Variants in PTPRG observed in about 807,000 individuals in gnomAD.
The protein encoded by PTPRG is receptor-type tyrosine-protein phosphatase gamma.
A neutral mutation model predicts 165.3 loss-of-function variants in PTPRG; 102 were observed. That is an observed-to-expected ratio of 0.62 (90% CI 0.53 to 0.73). The LOEUF is 0.73. Among genes scored for constraint, PTPRG ranks in the 30% least tolerant of loss-of-function variants. The probability of loss-of-function intolerance (pLI) is 0.00; values close to 1 mark genes in which losing one functional copy is unlikely to be tolerated. For synonymous variants in PTPRG, 675 were observed against 669.5 expected (o/e 1.01, Z -0.13); for missense variants, 1,866 against 1,861.4 (o/e 1.00, Z -0.05).
chr3:61,875,645 G>T (rs943798024), intron 2 of PTPRG, among the ~76,000 whole-genome samples: 2 of 151,812 alleles, frequency 1.3e-5, no homozygotes, highest in African/African-American at 2.4e-5. Flanking sequence ...ATGCACATGC[G>T]CACACACACA....
At chr3:61,999,208 G>T (rs891330019) in intron 3 of PTPRG, among the ~76,000 whole-genome samples, 1 of 152,054 alleles carries the variant, frequency 6.6e-6, no homozygotes, top group African/African-American at 2.4e-5. Context: ...ACCACACCCG[G>T]CTAGCCTTTT....
Position 61,696,023 on chromosome 3 carries a change from G to A in PTPRG, c.86-52855G>A, listed in dbSNP as rs115075739. On this transcript the variant is annotated intron_variant, in intron 1 of 29. Transcript: ENST00000474889. The stretch of plus-strand genomic sequence containing the variant: ...CAACATTCTGTGGCACAGTCAACAT[G>A]AGGTTGAGCTGATTGGGATGTAACT... Among the ~76,000 whole-genome samples, 435 of 152,268 alleles carry A rather than the reference G, an allele frequency of 2.9e-3. 4 individuals are homozygous for A. Among genetic ancestry groups the A allele is most frequent in the African/African-American group, 9.4e-3 (392 of 41,552 alleles).
intron 1 of PTPRG, among the ~76,000 whole-genome samples, chr3:61,607,425 G>C (rs1036291113): frequency 6.6e-6 from 1 of 152,022 alleles, no homozygotes; most frequent in African/African-American, 2.4e-5. Context: ...AATGCCTGGG[G>C]CCAAAACACT....
intron 6 of PTPRG, among the ~76,000 whole-genome samples, chr3:62,136,469 G>A (rs1703713387): frequency 6.6e-6 from 1 of 152,164 alleles, no homozygotes; most frequent in African/African-American, 2.4e-5. Flanking sequence ...GGAGAATGGT[G>A]AGAATGTGGA....
chr3:62,226,158 C>T (rs1374649881), intron 13 of PTPRG, among the ~76,000 whole-genome samples: 1 of 152,230 alleles, frequency 6.6e-6, no homozygotes, highest in Non-Finnish European at 1.5e-5. Flanking sequence ...TGAACCCAGA[C>T]AATTTGACTT....
chr3:61,684,888 A>G (rs775405962), intron 1 of PTPRG, among the ~76,000 whole-genome samples: 1 of 152,118 alleles, frequency 6.6e-6, no homozygotes, highest in African/African-American at 2.4e-5. Flanking sequence ...GATGATCGTG[A>G]TATCTGTCAC....
At chr3:62,287,008 TATAA>T (rs1268188928) in intron 28 of PTPRG, among the ~76,000 whole-genome samples, 8 of 152,176 alleles carry the variant, frequency 5.3e-5, no homozygotes, top group Admixed American at 1.3e-4. Flanking sequence ...AGCCATATTG[TATAA>T]ATACTTTTAA....
chr3:62,078,666 C>T (rs911114474), intron 5 of PTPRG, among the ~76,000 whole-genome samples: 1 of 151,960 alleles, frequency 6.6e-6, no homozygotes, highest in African/African-American at 2.4e-5. Context: ...TCTAAAGAGA[C>T]CCCCTCTCTT....
intron 5 of PTPRG, 60 bp downstream of exon 5, chr3:62,078,318 C>G: frequency 6.7e-6 from 8 of 1,185,332 alleles, no homozygotes; most frequent in Middle Eastern, 2.1e-4. Context: ...TTTAATTTGC[C>G]GAATTGTTCC....
At chr3:62,089,645 T>TG (rs1319325476) in intron 5 of PTPRG, among the ~76,000 whole-genome samples, 1 of 152,178 alleles carries the variant, frequency 6.6e-6, no homozygotes, top group Non-Finnish European at 1.5e-5. Flanking sequence ...AATCCCCGTT[T>TG]GGGGTCTGTT....
At chr3:61,879,117 A>G (rs1392801908) in intron 2 of PTPRG, among the ~76,000 whole-genome samples, 1 of 152,218 alleles carries the variant, frequency 6.6e-6, no homozygotes, top group Non-Finnish European at 1.5e-5. Context: ...TAAGTAATGA[A>G]CCAAAGGTGT....
intron 2 of PTPRG, among the ~76,000 whole-genome samples, chr3:61,976,894 T>A (rs1465460320): frequency 6.6e-6 from 1 of 152,114 alleles, no homozygotes; most frequent in Non-Finnish European, 1.5e-5. Flanking sequence ...AGCCTGTCCT[T>A]CAACTGCTGA....
At chr3:62,182,947 G>A (rs921810043) in intron 8 of PTPRG, among the ~76,000 whole-genome samples, 6 of 152,182 alleles carry the variant, frequency 3.9e-5, no homozygotes, top group African/African-American at 7.2e-5. Context: ...GAGCCACTAC[G>A]CCCGGCTAAC....
In PTPRG at chr3:61,897,469, C is replaced by G. The variant is rs528451935; in HGVS notation, c.191-92156C>G. Among the ~76,000 whole-genome samples, 6 of 152,288 alleles carry G rather than the reference C, an allele frequency of 3.9e-5. No individual in the cohort carries two copies. The South Asian group carries it at 1.2e-3, about 32-fold the overall frequency. On this transcript the variant is annotated intron_variant, in intron 2 of 29. Coordinates refer to ENST00000474889, the MANE Select transcript of PTPRG (RefSeq NM_002841.4). Reference sequence around the variant, plus strand: ...GATGTCCCTATCTCTCCACCAATATCACACTGTCGTGATTACTATAGCTGT... The same window carrying G: ...GATGTCCCTATCTCTCCACCAATATGACACTGTCGTGATTACTATAGCTGT...
chr3:62,186,567 C>CTTTTTTTTTTTTTTTTTTTTT (rs35133425), intron 8 of PTPRG, among the ~76,000 whole-genome samples: 6 of 117,516 alleles, frequency 5.1e-5, no homozygotes, highest in African/African-American at 7.0e-5. Flanking sequence ...TTTTCTTTTC[C>CTTTTTTTTTTTTTTTTTTTTT]TTTTTTTTTT....
At chr3:61,582,513 G>A (rs1382641010) in intron 1 of PTPRG, among the ~76,000 whole-genome samples, 3 of 152,162 alleles carry the variant, frequency 2.0e-5, no homozygotes, top group Non-Finnish European at 4.4e-5. Context: ...AGTGCAGCCA[G>A]GACGTAGCCT....
intron 5 of PTPRG, among the ~76,000 whole-genome samples, chr3:62,101,260 A>G (rs916341604): frequency 2.6e-5 from 4 of 152,234 alleles, no homozygotes; most frequent in African/African-American, 9.6e-5. Context: ...ATTCTATTGC[A>G]TCACGAGATG....
chr3:62,053,186 T>C (rs1280657568), intron 4 of PTPRG, among the ~76,000 whole-genome samples: 4 of 152,150 alleles, frequency 2.6e-5, no homozygotes, highest in African/African-American at 9.7e-5. Flanking sequence ...ACTGTATTTA[T>C]ATTTATAAAT....
chr3:61,906,017 A>G (rs910869323), intron 2 of PTPRG, among the ~76,000 whole-genome samples: 1 of 152,224 alleles, frequency 6.6e-6, no homozygotes, highest in Non-Finnish European at 1.5e-5. Flanking sequence ...GAGAGACATG[A>G]ATACATGGAG....
Sources: allele counts gnomAD v4.1 joint callset (sites outside exome capture counted in the v4.1 genomes callset), GRCh38; gene constraint gnomAD v4.1.1; transcripts MANE v1.5; gene names NCBI Gene and HGNC (gene_info 2026-07-23, HGNC 2026-07-21).